DMD: variants seen among roughly 807,000 people sequenced by gnomAD.
DMD encodes the protein mutant dystrophin.
In DMD, 63 loss-of-function variants were observed where a neutral mutation model predicts 330.1. That is an observed-to-expected ratio of 0.19 (90% CI 0.16 to 0.24). DMD has a LOEUF of 0.24. Ranked by LOEUF, DMD falls within the 10% of genes least tolerant of loss-of-function variation. DMD has a pLI of 1.00. For missense variants in DMD, 3,344 were observed against 2,684.1 expected (o/e 1.25, Z -5.43); for synonymous variants, 1,223 against 959.8 (o/e 1.27, Z -5.07).
At chrX:32,483,074 G>C (rs2042055309) in intron 21 of DMD, among the ~76,000 whole-genome samples, 1 of 99,806 alleles carries the variant, frequency 1.0e-5, no homozygotes, top group Non-Finnish European at 2.0e-5. Context: ...ATACACATGT[G>C]CAATTATTTG....
At chrX:32,421,880 T>C (rs1309961040) in intron 29 of DMD, among the ~76,000 whole-genome samples, 1 of 111,553 alleles carries the variant, frequency 9.0e-6, no homozygotes, top group African/African-American at 3.3e-5. Context: ...CTTAGCATCT[T>C]CCCCACAGGA....
At chrX:32,706,426 C>T (rs1406446467) in intron 7 of DMD, among the ~76,000 whole-genome samples, 2 of 109,732 alleles carry the variant, frequency 1.8e-5, no homozygotes, top group African/African-American at 6.6e-5. Context: ...TGGTGATACA[C>T]GCCTCTAATC....
At chrX:33,208,464 C>T (rs2051706104) in intron 1 of DMD, among the ~76,000 whole-genome samples, 1 of 110,855 alleles carries the variant, frequency 9.0e-6, no homozygotes. Context: ...AAATAGCACC[C>T]CCAATTGTAT....
intron 42 of DMD, among the ~76,000 whole-genome samples, chrX:32,288,801 T>C (rs2097454231): frequency 1.8e-5 from 2 of 112,263 alleles, no homozygotes; most frequent in South Asian, 7.3e-4. Context: ...AAAAAAATTA[T>C]GTTTTAAGAA....
chrX:32,472,686 T>C (rs1410426935), intron 21 of DMD, among the ~76,000 whole-genome samples: 6 of 111,189 alleles, frequency 5.4e-5, no homozygotes, highest in Non-Finnish European at 9.4e-5. Flanking sequence ...TATCTGATAC[T>C]GAAAGGCTAC....
chrX:31,135,997 C>CTTT (rs60520155), intron 76 of DMD, among the ~76,000 whole-genome samples: 4 of 102,782 alleles, frequency 3.9e-5, no homozygotes, highest in South Asian at 9.3e-4. Context: ...GCATTTATTC[C>CTTT]TTTTTTTTTT....
At chrX:32,217,252 T>G (rs779662421) in intron 43 of DMD, among the ~76,000 whole-genome samples, 189 bp from the exon 44 acceptor site, 1 of 111,541 alleles carries the variant, frequency 9.0e-6, no homozygotes, top group Non-Finnish European at 1.9e-5. Context: ...CACAACATTT[T>G]AAAAAAATAC....
rs192768464 is a variant in DMD, at chrX:33,253,877, T to A, written c.7+85382A>T. On this transcript the variant is annotated intron_variant, in intron 1 of 17. Coordinates refer to the DMD transcript ENST00000288447. ...ATTTTAATAGTAATTTATTCATGTATAAAACTGGAAAATCCCATCATTAAT... is the reference window on the plus strand; with the variant it reads ...ATTTTAATAGTAATTTATTCATGTAAAAAACTGGAAAATCCCATCATTAAT... Among the ~76,000 whole-genome samples, 310 of 111,253 alleles carry A rather than the reference T, an allele frequency of 2.8e-3. 2 individuals are homozygous for A. The highest frequency in any genetic ancestry group is 9.5e-3 in the African/African-American group (293 of 30,847).
chrX:33,112,681 C>T (rs1333277616), intron 1 of DMD, among the ~76,000 whole-genome samples: 1 of 111,340 alleles, frequency 9.0e-6, no homozygotes, highest in Non-Finnish European at 1.9e-5. Context: ...TTATAATTAT[C>T]TACATTATTA....
intron 9 of DMD, among the ~76,000 whole-genome samples, chrX:32,674,536 T>C (rs1266289702): frequency 3.6e-5 from 4 of 111,272 alleles, no homozygotes; most frequent in Non-Finnish European, 5.7e-5. Flanking sequence ...TTGGAAAGCA[T>C]TGTTATTACT....
chrX:32,203,471 G>C (rs2097050118), intron 44 of DMD, among the ~76,000 whole-genome samples: 1 of 112,412 alleles, frequency 8.9e-6, no homozygotes, highest in Non-Finnish European at 1.9e-5. Flanking sequence ...TGATATTCAG[G>C]GAACAGTAAA....
chrX:32,988,033 AGAAG>A (rs2092889675), intron 2 of DMD, among the ~76,000 whole-genome samples: 1 of 110,975 alleles, frequency 9.0e-6, no homozygotes, highest in Non-Finnish European at 1.9e-5. Context: ...AATGAAAAGT[AGAAG>A]TTACTTAATA....
chrX:32,988,969 T>C (rs1362207535), intron 2 of DMD, among the ~76,000 whole-genome samples: 1 of 111,546 alleles, frequency 9.0e-6, no homozygotes, highest in Non-Finnish European at 1.9e-5. Context: ...GCTTAAACTG[T>C]TGTGTATTAG....
intron 61 of DMD, among the ~76,000 whole-genome samples, chrX:31,335,102 T>C (rs2057347309): frequency 8.9e-6 from 1 of 112,349 alleles, no homozygotes; most frequent in South Asian, 3.7e-4. Flanking sequence ...GACCTGATTG[T>C]CCATCTTCTC....
intron 2 of DMD, among the ~76,000 whole-genome samples, chrX:32,922,119 C>A (rs987834484): frequency 1.0e-4 from 11 of 110,225 alleles, no homozygotes; most frequent in African/African-American, 3.6e-4. Context: ...AAAGGCTCCC[C>A]CAAAGGACTG....
chrX:32,914,499 G>A lies in DMD; in HGVS notation c.94-64679C>T, dbSNP rs1264565758. On this transcript the variant is annotated intron_variant, in intron 2 of 78. Transcript: ENST00000357033. The stretch of plus-strand genomic sequence containing the variant: ...TGTGGACAAGCAAGAGATAAATATC[G>A]GAATCTGTGGGTACAGCCTTTGGAT... Among the ~76,000 whole-genome samples the A allele has an allele frequency of 6.2e-5, 7 of 112,197 alleles. No individual in the cohort carries two copies. In the South Asian group the frequency reaches 2.2e-3, roughly 35 times the overall value.
At chrX:32,739,654 GAAGT>G (rs1156579946) in intron 7 of DMD, among the ~76,000 whole-genome samples, 3 of 111,916 alleles carry the variant, frequency 2.7e-5, no homozygotes, top group African/African-American at 9.7e-5. Flanking sequence ...GGAAACTTGA[GAAGT>G]ATGTGGTTGA....
intron 37 of DMD, among the ~76,000 whole-genome samples, chrX:32,361,835 C>A (rs2147220418): frequency 9.0e-6 from 1 of 110,926 alleles, no homozygotes; most frequent in Admixed American, 9.6e-5. Context: ...TTTTTCATTT[C>A]AGATTATTTC....
chrX:32,960,916 T>TAAAA (rs59425093), intron 2 of DMD, among the ~76,000 whole-genome samples: 1 of 68,690 alleles, frequency 1.5e-5, no homozygotes, highest in Non-Finnish European at 2.7e-5. Flanking sequence ...GCACCATTTG[T>TAAAA]AAAAAAAAAA....
Sources: gnomAD v4.1 joint callset for allele counts (sites outside exome capture counted in the v4.1 genomes callset) on GRCh38, gnomAD v4.1.1 for gene constraint, MANE v1.5 for transcripts, NCBI Gene and HGNC (gene_info 2026-07-23, HGNC 2026-07-21) for gene names.